The following ADAMTS3 variants were observed in gnomAD, a reference collection of about 807,000 sequenced individuals.
ADAMTS3 encodes ADAM metallopeptidase with thrombospondin type 1 motif 3, also known as A disintegrin and metalloproteinase with thrombospondin motifs 3.
In ADAMTS3, 73 loss-of-function variants were observed where a neutral mutation model predicts 129.0. That is an observed-to-expected ratio of 0.57 (90% confidence interval 0.47 to 0.69). The LOEUF is 0.69. Ranked by LOEUF, ADAMTS3 falls within the 30% of genes least tolerant of loss-of-function variation. ADAMTS3 has a pLI of 0.00. For missense variants in ADAMTS3, 1,457 were observed against 1,514.5 expected (o/e 0.96, Z 0.63); for synonymous variants, 477 against 510.8 (o/e 0.93, Z 0.89).
intron 3 of ADAMTS3, among the ~76,000 whole-genome samples, chr4:72,548,231 C>T (rs1721515854): frequency 6.6e-6 from 1 of 151,914 alleles, no homozygotes; most frequent in Non-Finnish European, 1.5e-5. Flanking sequence ...AAAAAAAATG[C>T]TAAAATATTT....
intron 3 of ADAMTS3, among the ~76,000 whole-genome samples, chr4:72,448,506 C>A (rs575339260): frequency 4.5e-4 from 68 of 151,844 alleles, no homozygotes; most frequent in Non-Finnish European, 6.0e-4. Flanking sequence ...TGCATGAAAA[C>A]TTGGCATGTC....
intron 3 of ADAMTS3, among the ~76,000 whole-genome samples, chr4:72,495,524 C>T (rs796894377): frequency 1.5e-4 from 23 of 152,106 alleles, no homozygotes; most frequent in African/African-American, 5.1e-4. Context: ...CACTGACTAC[C>T]TTTTTACAAA....
intron 3 of ADAMTS3, among the ~76,000 whole-genome samples, chr4:72,459,703 C>T (rs938194783): frequency 6.6e-6 from 1 of 151,504 alleles, no homozygotes; most frequent in Non-Finnish European, 1.5e-5. Context: ...CTAAGGGTTA[C>T]ATAACCAGGG....
chr4:72,560,000 AG>A (rs1344100618), intron 2 of ADAMTS3, among the ~76,000 whole-genome samples: 1 of 151,716 alleles, frequency 6.6e-6, no homozygotes, highest in Non-Finnish European at 1.5e-5. Context: ...ACATACACAC[AG>A]GCCAGTGGAA....
At chr4:72,541,573 T>C (rs1481148056) in intron 3 of ADAMTS3, among the ~76,000 whole-genome samples, 1 of 152,182 alleles carries the variant, frequency 6.6e-6, no homozygotes, top group Admixed American at 6.5e-5. Flanking sequence ...CAAATCTCAT[T>C]TTGATTTGTA....
chr4:72,320,037 C>G, intron 7 of ADAMTS3, 74 bp from the exon 8 acceptor site: 2 of 1,281,476 alleles, frequency 1.6e-6, no homozygotes, highest in Non-Finnish European at 2.2e-6. Context: ...GGACTTTTGC[C>G]TAGGGGGAAA....
chr4:72,432,782 T>C (rs1296777357), intron 3 of ADAMTS3, among the ~76,000 whole-genome samples: 1 of 151,918 alleles, frequency 6.6e-6, no homozygotes, highest in Non-Finnish European at 1.5e-5. Flanking sequence ...CCTTTTTACA[T>C]TTTTTTACAT....
intron 21 of ADAMTS3, among the ~76,000 whole-genome samples, chr4:72,287,853 A>ATTTTTT (rs1718552108): frequency 6.6e-6 from 1 of 152,058 alleles, no homozygotes; most frequent in African/African-American, 2.4e-5. Context: ...ACCATCCAAT[A>ATTTTTT]TATTTTGCTT....
intron 2 of ADAMTS3, 152 bp from the exon 3 acceptor site, chr4:72,549,036 G>T: frequency 3.1e-6 from 2 of 645,088 alleles, no homozygotes; most frequent in Non-Finnish European, 4.8e-6. Flanking sequence ...TAAATTTTGA[G>T]AACAAAAATC....
intron 3 of ADAMTS3, among the ~76,000 whole-genome samples, chr4:72,515,489 C>T (rs1355961294): frequency 8.0e-5 from 12 of 150,374 alleles, no homozygotes; most frequent in African/African-American, 7.3e-5. Flanking sequence ...ACATCCTCTC[C>T]AGCACCTGTT....
At chr4:72,453,683 T>C (rs1485903465) in intron 3 of ADAMTS3, among the ~76,000 whole-genome samples, 2 of 151,592 alleles carry the variant, frequency 1.3e-5, no homozygotes, top group East Asian at 2.0e-4. Flanking sequence ...TCCCAGTATA[T>C]AGAGGCCATC....
rs1430983837 is a variant in ADAMTS3, at chr4:72,367,555, T to C, written c.662-27862A>G. 4.6e-5 allele frequency among the ~76,000 whole-genome samples: 7 copies of C among 152,126 alleles called. No individual in the cohort carries two copies. In the South Asian group the frequency reaches 1.2e-3, roughly 27 times the overall value. ...AGAAAGAAGACATTTGAAAATTTAG[T>C]AGCATGATGAATTTAAAATATACAT... On this transcript the variant is annotated intron_variant, in intron 4 of 21. Coordinates refer to ENST00000286657, the MANE Select transcript of ADAMTS3 (RefSeq NM_014243.3).
intron 2 of ADAMTS3, among the ~76,000 whole-genome samples, chr4:72,554,753 A>G (rs1342244941): frequency 6.6e-6 from 1 of 151,828 alleles, no homozygotes; most frequent in African/African-American, 2.4e-5. Context: ...CAAATTCCCC[A>G]CACAGAATTT....
At position 72,450,239 on chromosome 4, in the gene ADAMTS3, C is replaced by T. The variant is rs114680355; in HGVS notation, c.505-35268G>A. 2.5e-3 allele frequency among the ~76,000 whole-genome samples: 386 copies of T among 151,832 alleles called. 4 individuals carry two copies. The highest frequency in any genetic ancestry group is 9.2e-3 in the African/African-American group (382 of 41,514). ...AACTGATAGAACACCTTTCCTCATACAACCCCTGCTTGAAACCACATTTTT... is the reference window on the plus strand; with the variant it reads ...AACTGATAGAACACCTTTCCTCATATAACCCCTGCTTGAAACCACATTTTT... On this transcript the variant is annotated intron_variant, in intron 3 of 21. Coordinates refer to ENST00000286657, the MANE Select transcript of ADAMTS3 (RefSeq NM_014243.3).
chr4:72,494,808 A>G (rs1486849511), intron 3 of ADAMTS3, among the ~76,000 whole-genome samples: 3 of 152,188 alleles, frequency 2.0e-5, no homozygotes, highest in Admixed American at 6.5e-5. Flanking sequence ...GCTTAGTAGT[A>G]ATTCTGGCTT....
chr4:72,311,772 C>T (rs765266843), intron 13 of ADAMTS3, among the ~76,000 whole-genome samples: 4 of 151,806 alleles, frequency 2.6e-5, no homozygotes, highest in Non-Finnish European at 4.4e-5. Context: ...CAAAAAGTTG[C>T]CATTGGACAT....
intron 4 of ADAMTS3, among the ~76,000 whole-genome samples, chr4:72,371,473 A>T (rs908116441): frequency 8.5e-5 from 11 of 129,500 alleles, no homozygotes; most frequent in African/African-American, 2.9e-4. Context: ...AAATAAATAA[A>T]TAAAGTAGAT....
chr4:72,387,200 C>A (rs2109887612), intron 4 of ADAMTS3, among the ~76,000 whole-genome samples: 1 of 152,278 alleles, frequency 6.6e-6, no homozygotes, highest in East Asian at 1.9e-4. Context: ...AGCTAAAATT[C>A]ATGCTTTTTT....
chr4:72,530,682 TAA>T (rs1491559560), intron 3 of ADAMTS3, among the ~76,000 whole-genome samples: 1 of 91,176 alleles, frequency 1.1e-5, no homozygotes, highest in Admixed American at 1.9e-4. Context: ...ATAATATGTA[TAA>T]TATATATTGT....
Sources: allele counts gnomAD v4.1 joint callset (sites outside exome capture counted in the v4.1 genomes callset), GRCh38; gene constraint gnomAD v4.1.1; transcripts MANE v1.5; gene names NCBI Gene and HGNC (gene_info 2026-07-23, HGNC 2026-07-21).